TBL1XR1: variants seen among roughly 807,000 people sequenced by gnomAD.
The protein encoded by TBL1XR1 is F-box-like/WD repeat-containing protein TBL1XR1.
Under a neutral mutation model 66.9 loss-of-function variants are expected in TBL1XR1, and 5 were observed. The ratio of observed to expected loss-of-function variants is 0.07; its 90% confidence interval spans 0.04 to 0.16. The LOEUF (loss-of-function observed/expected upper bound fraction) is 0.16. Ranked by LOEUF, TBL1XR1 falls within the 10% of genes least tolerant of loss-of-function variation. The pLI is 1.00. For missense variants in TBL1XR1, 238 were observed against 623.2 expected, an observed-to-expected ratio of 0.38 and a Z score of 6.58; for synonymous variants, 210 against 206.0, an observed-to-expected ratio of 1.02 and a Z score of -0.17.
intron 1 of TBL1XR1, among the ~76,000 whole-genome samples, chr3:177,182,578 G>A (rs1188349049): frequency 6.6e-6 from 1 of 152,156 alleles, no homozygotes; most frequent in Non-Finnish European, 1.5e-5. Flanking sequence ...AAAGGCTAAA[G>A]AGTGCCAGGC....
chr3:177,096,335 T>TACACACACAC (rs6148210), intron 2 of TBL1XR1, among the ~76,000 whole-genome samples: 2,632 of 150,238 alleles, frequency 0.018, 26 homozygotes, highest in Middle Eastern at 0.055. Context: ...CATACATACA[T>TACACACACAC]ACACACACAC....
At chr3:177,067,359 T>C (rs1719301156) in intron 2 of TBL1XR1, among the ~76,000 whole-genome samples, 1 of 152,196 alleles carries the variant, frequency 6.6e-6, no homozygotes, top group African/African-American at 2.4e-5. Context: ...AAATTTTCTT[T>C]TCCCCTAATA....
At chr3:177,109,892 T>G (rs745661952) in intron 1 of TBL1XR1, among the ~76,000 whole-genome samples, 2 of 152,176 alleles carry the variant, frequency 1.3e-5, no homozygotes, top group Admixed American at 6.5e-5. Context: ...TCCTGTATGC[T>G]CGATGTTCTG....
chr3:177,192,909 T>C (rs1169955544), intron 1 of TBL1XR1, among the ~76,000 whole-genome samples: 1 of 152,040 alleles, frequency 6.6e-6, no homozygotes, highest in Non-Finnish European at 1.5e-5. Flanking sequence ...TCCCAGCCCT[T>C]TGGGAGGCCG....
At chr3:177,114,571 G>T (rs1406688314) in intron 1 of TBL1XR1, among the ~76,000 whole-genome samples, 2 of 151,908 alleles carry the variant, frequency 1.3e-5, no homozygotes, top group African/African-American at 4.8e-5. Flanking sequence ...GAAGTGCTGG[G>T]ATTACGGCAT....
At chr3:177,140,455 C>T (rs946279010) in intron 1 of TBL1XR1, among the ~76,000 whole-genome samples, 4 of 152,292 alleles carry the variant, frequency 2.6e-5, no homozygotes, top group Admixed American at 2.6e-4. Context: ...CAATTTACGA[C>T]ATGAAAAAGC....
chr3:177,124,782 C>T (rs975843056), intron 1 of TBL1XR1, among the ~76,000 whole-genome samples: 4 of 152,072 alleles, frequency 2.6e-5, no homozygotes, highest in African/African-American at 9.7e-5. Flanking sequence ...ATCTCAACTG[C>T]TAGTAAGATC....
At chr3:177,106,918 A>AT (rs1724961582) in intron 1 of TBL1XR1, among the ~76,000 whole-genome samples, 1 of 150,986 alleles carries the variant, frequency 6.6e-6, no homozygotes, top group Non-Finnish European at 1.5e-5. Context: ...ATTACTACTA[A>AT]AAAAAAAAAT....
chr3:177,112,017 C>T (rs929544107), intron 1 of TBL1XR1, among the ~76,000 whole-genome samples: 7 of 124,800 alleles, frequency 5.6e-5, no homozygotes, highest in African/African-American at 9.0e-5. Context: ...GGCCCTGAAA[C>T]GAAGAAGAAA....
chr3:177,193,722 A>C (rs986478124), intron 1 of TBL1XR1, among the ~76,000 whole-genome samples: 2 of 152,110 alleles, frequency 1.3e-5, no homozygotes, highest in Non-Finnish European at 2.9e-5. Context: ...TCAACTATAG[A>C]TCATAAACTT....
intron 2 of TBL1XR1, among the ~76,000 whole-genome samples, chr3:177,067,864 C>T (rs1000270080): frequency 1.3e-5 from 2 of 152,088 alleles, no homozygotes; most frequent in African/African-American, 2.4e-5. Flanking sequence ...ATTTATATAG[C>T]CAAATGAACG....
chr3:177,189,105 G>C (rs543484865), intron 1 of TBL1XR1, among the ~76,000 whole-genome samples: 1 of 152,240 alleles, frequency 6.6e-6, no homozygotes, highest in South Asian at 2.1e-4. Context: ...CTACTCAGGA[G>C]GCTGAGGCAG....
At chr3:177,149,719 G>T (rs1040603306) in intron 1 of TBL1XR1, among the ~76,000 whole-genome samples, 7 of 152,044 alleles carry the variant, frequency 4.6e-5, no homozygotes, top group Non-Finnish European at 8.8e-5. Flanking sequence ...TGGTTGGGGG[G>T]GCCGGAGGGG....
At chr3:177,077,488 T>A (rs1231277233) in intron 2 of TBL1XR1, among the ~76,000 whole-genome samples, 1 of 152,182 alleles carries the variant, frequency 6.6e-6, no homozygotes, top group African/African-American at 2.4e-5. Context: ...ATCTACACGT[T>A]CTAAAATGTA....
At chr3:177,092,856 A>G (rs1036782645) in intron 2 of TBL1XR1, among the ~76,000 whole-genome samples, 5 of 152,184 alleles carry the variant, frequency 3.3e-5, no homozygotes, top group Non-Finnish European at 5.9e-5. Context: ...AGGACTATTC[A>G]TAACAGCCAA....
At chr3:177,061,401 T>C (rs1009926157) in intron 3 of TBL1XR1, among the ~76,000 whole-genome samples, 2 of 152,186 alleles carry the variant, frequency 1.3e-5, no homozygotes, top group African/African-American at 2.4e-5. Flanking sequence ...CACTGAACAA[T>C]ATGCAGAGAA....
intron 1 of TBL1XR1, among the ~76,000 whole-genome samples, chr3:177,172,606 G>A (rs1320851759): frequency 7.4e-6 from 1 of 134,954 alleles, no homozygotes; most frequent in Non-Finnish European, 1.5e-5. Context: ...GAGTGACAAG[G>A]CAAGACCCTC....
At chr3:177,078,541 T>TA (rs1720975975) in intron 2 of TBL1XR1, 3 of 149,056 alleles carry the variant, frequency 2.0e-5, no homozygotes, top group Non-Finnish European at 3.0e-5. Flanking sequence ...GCTATGATTA[T>TA]ACCACCACTG....
Position 177,087,779 on chromosome 3 carries a change from A to G in TBL1XR1, c.-46+10687T>C, listed in dbSNP as rs115876880. Among the ~76,000 whole-genome samples the G allele has an allele frequency of 3.6e-3, 553 of 152,236 alleles. 2 individuals are homozygous for G. Among genetic ancestry groups the G allele is most frequent in the African/African-American group, 0.013 (526 of 41,540 alleles). On this transcript the variant is annotated intron_variant, in intron 2 of 15. Coordinates refer to ENST00000457928, the MANE Select transcript of TBL1XR1 (RefSeq NM_024665.7). Reference sequence around the variant, plus strand: ...AAGAATGGGGGGCGGGGAGTCTTCAAATGGCTTCAATACACCATTGAAGTA... The same window carrying G: ...AAGAATGGGGGGCGGGGAGTCTTCAGATGGCTTCAATACACCATTGAAGTA...
Sources: gnomAD v4.1 joint callset for allele counts (sites outside exome capture counted in the v4.1 genomes callset) on GRCh38, gnomAD v4.1.1 for gene constraint, MANE v1.5 for transcripts, NCBI Gene and HGNC (gene_info 2026-07-23, HGNC 2026-07-21) for gene names.